The following PBX4 variants were observed in gnomAD, a reference collection of about 807,000 sequenced individuals.
PBX4 encodes PBX homeobox 4.
In PBX4, 26 loss-of-function variants were observed where a neutral mutation model predicts 35.1. The ratio of observed to expected loss-of-function variants is 0.74; its 90% confidence interval spans 0.54 to 1.03. PBX4 has a LOEUF of 1.03. Ranked by LOEUF, PBX4 falls within the 50% of genes least tolerant of loss-of-function variation. The probability of loss-of-function intolerance (pLI) is 0.00; values close to 1 mark genes in which losing one functional copy is unlikely to be tolerated. For missense variants in PBX4, 448 were observed against 504.3 expected (o/e 0.89, Z 1.07); for synonymous variants, 199 against 204.2 (o/e 0.97, Z 0.22).
At chr19:19,603,462 C>A (rs761943237) in intron 1 of PBX4, among the ~76,000 whole-genome samples, 1 of 152,126 alleles carries the variant, frequency 6.6e-6, no homozygotes. Flanking sequence ...GTGCCCACCA[C>A]TACACACAGC....
intron 1 of PBX4, among the ~76,000 whole-genome samples, chr19:19,608,965 C>T (rs1354362345): frequency 1.3e-5 from 2 of 152,204 alleles, no homozygotes; most frequent in East Asian, 3.8e-4. Flanking sequence ...AAGCCCAGCA[C>T]CAGACCTGGC....
chr19:19,580,966 C>A (rs1461387536), intron 2 of PBX4, among the ~76,000 whole-genome samples: 1 of 152,232 alleles, frequency 6.6e-6, no homozygotes, highest in Non-Finnish European at 1.5e-5. Context: ...CCCCTGGATT[C>A]AAGTGATCCT....
At chr19:19,604,591 T>C (rs1415836848) in intron 1 of PBX4, among the ~76,000 whole-genome samples, 1 of 112,564 alleles carries the variant, frequency 8.9e-6, no homozygotes, top group Non-Finnish European at 1.8e-5. Context: ...TGAACATTAG[T>C]CTTTCTTTAT....
intron 2 of PBX4, among the ~76,000 whole-genome samples, chr19:19,572,832 T>G (rs1370866056): frequency 1.8e-5 from 2 of 110,990 alleles, no homozygotes; most frequent in South Asian, 2.7e-4. Context: ...CCAGGCTGGG[T>G]GACAAGGGCG....
At chr19:19,604,110 AT>A (rs1372277219) in intron 1 of PBX4, among the ~76,000 whole-genome samples, 1 of 152,164 alleles carries the variant, frequency 6.6e-6, no homozygotes, top group African/African-American at 2.4e-5. Flanking sequence ...AAGATCCATT[AT>A]TAAAAGCCAC....
intron 2 of PBX4, among the ~76,000 whole-genome samples, chr19:19,583,189 G>T (rs2061466554): frequency 6.6e-6 from 1 of 152,116 alleles, no homozygotes; most frequent in Non-Finnish European, 1.5e-5. Flanking sequence ...TGAGACATGA[G>T]AATAGCTTGA....
chr19:19,585,038 C>T (rs1427970149), intron 2 of PBX4, among the ~76,000 whole-genome samples: 1 of 152,042 alleles, frequency 6.6e-6, no homozygotes, highest in Non-Finnish European at 1.5e-5. Context: ...CCTGGCTTTA[C>T]CTTTTAGGCC....
rs181587979 is a variant in PBX4, at chr19:19,572,578, C to T, written c.194-1745G>A. On this transcript the variant is annotated intron_variant, in intron 2 of 7. Coordinates refer to ENST00000251203, the MANE Select transcript of PBX4 (RefSeq NM_025245.3). ...TAAGAATTTTCCTTAGAGATTTCCACTTCAGGCTGGGCGCAGTGGCTCACG... is the reference window on the plus strand; with the variant it reads ...TAAGAATTTTCCTTAGAGATTTCCATTTCAGGCTGGGCGCAGTGGCTCACG... Among the ~76,000 whole-genome samples, 128 of 149,860 alleles carry T rather than the reference C, an allele frequency of 8.5e-4. 1 individual carries two copies. The highest frequency in any genetic ancestry group is 1.5e-3 in the Non-Finnish European group (101 of 67,284).
At position 19,618,443 on chromosome 19, in the gene PBX4, C is replaced by A. The variant is rs532656249; in HGVS notation, c.119+68G>T. On this transcript the variant is annotated intron_variant, in intron 1 of 7. Transcript: ENST00000251203. ...CCTCGTCAGTCTGGCCTCCACGCCC[C>A]GTCCCCTCAGCCCGCCAACCTCACT... 19 of 1,317,464 alleles carry A rather than the reference C, an allele frequency of 1.4e-5. No homozygotes were observed. The South Asian group carries it at 3.3e-4, about 23-fold the overall frequency. The allele number at this position is 1,317,464 out of a possible 1,614,324, so 81.6% of individuals were successfully genotyped here.
At chr19:19,579,342 CAA>C (rs763609486) in intron 2 of PBX4, among the ~76,000 whole-genome samples, 2 of 131,598 alleles carry the variant, frequency 1.5e-5, no homozygotes, top group African/African-American at 2.8e-5. Context: ...GACTCCGTCT[CAA>C]AAAAAAAAAA....
chr19:19,610,981 G>C (rs1297937834), intron 1 of PBX4, among the ~76,000 whole-genome samples: 1 of 152,136 alleles, frequency 6.6e-6, no homozygotes, highest in Admixed American at 6.6e-5. Context: ...ATCCTCTCAT[G>C]CTAATGCTAT....
chr19:19,566,130 G>C (rs2061340312), intron 5 of PBX4, among the ~76,000 whole-genome samples: 1 of 152,066 alleles, frequency 6.6e-6, no homozygotes, highest in African/African-American at 2.4e-5. Context: ...AGAGGCAGGA[G>C]AAAAAGGAGC....
chr19:19,607,926 G>A (rs532601704), intron 1 of PBX4, among the ~76,000 whole-genome samples: 2 of 152,254 alleles, frequency 1.3e-5, no homozygotes, highest in East Asian at 1.9e-4. Flanking sequence ...AGGATAGATC[G>A]ATTATCCTTG....
rs1568402983 is a variant in PBX4 at position 19,618,594 on chromosome 19, G to A, written c.36C>T (p.Pro12=). Reference sequence around the variant, plus strand: ...CGCTCGTGTCGAGGCGCCGCGGGGCGGGGGGCGATGGCGCGGGGCGCGGCG... The same window carrying A: ...CGCTCGTGTCGAGGCGCCGCGGGGCAGGGGGCGATGGCGCGGGGCGCGGCG... ...AAPPRPAPSP[P]APRRLDTSDV... The change falls in exon 1 of 8, where the codon CCC becomes CCT. Residue 12 remains proline (P), a synonymous_variant. Coordinates refer to ENST00000251203, the MANE Select transcript of PBX4 (RefSeq NM_025245.3). The A allele has an allele frequency of 2.3e-6, 3 of 1,286,572 alleles. No homozygotes were observed. The highest frequency in any genetic ancestry group is 3.0e-6 in the Non-Finnish European group (3 of 1,015,298). 79.7% of individuals were successfully genotyped at this position (1,286,572 alleles called of 1,614,324 possible).
intron 1 of PBX4, among the ~76,000 whole-genome samples, chr19:19,602,259 A>G (rs934191977): frequency 9.2e-5 from 14 of 152,128 alleles, no homozygotes; most frequent in African/African-American, 3.1e-4. Flanking sequence ...ATAAATAAAT[A>G]AATGAATAAA....
intron 1 of PBX4, among the ~76,000 whole-genome samples, chr19:19,610,180 G>C (rs532548977): frequency 1.8e-4 from 27 of 152,334 alleles, no homozygotes; most frequent in African/African-American, 6.3e-4. Context: ...TTGGGAGGCT[G>C]AGACGGGCGG....
At position 19,570,842 on chromosome 19, in the gene PBX4, G is replaced by C; in HGVS notation, c.194-9C>G. 1 of 1,612,826 alleles carries C rather than the reference G, an allele frequency of 6.2e-7. No individual in the cohort carries two copies. The highest frequency in any genetic ancestry group is 8.5e-7 in the Non-Finnish European group (1 of 1,179,274). On this transcript the variant is annotated splice_polypyrimidine_tract_variant and intron_variant, in intron 2 of 7. Coordinates refer to ENST00000251203, the MANE Select transcript of PBX4 (RefSeq NM_025245.3). ...GCCACGGATGCTTACCACTAGATAA[G>C]AGAGACCGGGACAAGTCACAATTCA...
rs756556827 is a variant in PBX4, at chr19:19,565,037, T to G, written c.821A>C (p.Lys274Thr). The G allele has an allele frequency of 1.9e-6, 3 of 1,614,100 alleles. No individual in the cohort carries two copies. The highest frequency in any genetic ancestry group is 3.3e-5 in the Admixed American group (2 of 59,998). The change falls in exon 6 of 8, where the codon AAG (lysine) becomes ACG (threonine). Residue 274 changes from lysine (K) to threonine (T), a missense_variant. Transcript: ENST00000251203. ...KRIRYKKNMG[K>T]FQEEATIYTG... Reference sequence around the variant, plus strand: ...GTAAATGGTAGCCTCTTCTTGAAACTTCCCCATGTTCTTTTTATACCGGAT... The same window carrying G: ...GTAAATGGTAGCCTCTTCTTGAAACGTCCCCATGTTCTTTTTATACCGGAT...
intron 1 of PBX4, chr19:19,606,887 A>C (rs1266143553): frequency 1.3e-5 from 2 of 152,114 alleles, no homozygotes; most frequent in African/African-American, 4.8e-5. Context: ...GCTACCTGGG[A>C]GGCTGAGGCA....
Sources: allele counts gnomAD v4.1 joint callset (sites outside exome capture counted in the v4.1 genomes callset), GRCh38; gene constraint gnomAD v4.1.1; transcripts MANE v1.5; gene names NCBI Gene and HGNC (gene_info 2026-07-23, HGNC 2026-07-21).